Variants in PRSS23 observed in about 807,000 individuals in gnomAD.
The protein encoded by PRSS23 is protease, serine 23.
PRSS23 carries 25 observed loss-of-function variants against 34.7 expected under a neutral mutation model. That is an observed-to-expected ratio of 0.72 (90% CI 0.53 to 1.01). The LOEUF is 1.01. Ranked by LOEUF, PRSS23 falls within the 50% of genes least tolerant of loss-of-function variation. PRSS23 has a pLI of 0.00. For synonymous variants in PRSS23, 176 were observed against 186.6 expected (o/e 0.94, Z 0.46); for missense variants, 445 against 475.6 (o/e 0.94, Z 0.60).
chr11:86,896,056 C>G (rs773141172), intron 2 of PRSS23, among the ~76,000 whole-genome samples: 2 of 152,098 alleles, frequency 1.3e-5, no homozygotes, highest in Non-Finnish European at 2.9e-5. Context: ...GCCTTTGTCT[C>G]TTATTTATTT....
intron 2 of PRSS23, chr11:86,823,675 T>C: frequency 1.5e-6 from 1 of 686,110 alleles, no homozygotes; most frequent in South Asian, 1.5e-5. Context: ...TCTAATGCAT[T>C]TTAACGGAGC....
At chr11:86,823,347 C>G (rs1319058583) in intron 1 of PRSS23, 4 of 699,564 alleles carry the variant, frequency 5.7e-6, no homozygotes, top group Non-Finnish European at 1.0e-5. Flanking sequence ...GGACTTTGAA[C>G]TTGCTGTCTC....
chr11:86,887,670 T>C (rs1386807852), intron 2 of PRSS23, among the ~76,000 whole-genome samples: 1 of 152,214 alleles, frequency 6.6e-6, no homozygotes, highest in East Asian at 1.9e-4. Context: ...ACGTTATTTC[T>C]GTCTTCGAGG....
downstream of PRSS23, among the ~76,000 whole-genome samples, chr11:86,814,761 C>G (rs138450114): frequency 1.6e-3 from 243 of 152,288 alleles, 2 homozygotes; most frequent in African/African-American, 5.6e-3. Context: ...ACACTTGGGA[C>G]AGCTCTGCCC....
chr11:86,909,613 G>A lies in PRSS23; in HGVS notation c.207-41603G>A, dbSNP rs151328165. 3.9e-5 allele frequency: 6 copies of A among 152,468 alleles called. No individual in the cohort carries two copies. The East Asian group carries it at 9.6e-4, about 24-fold the overall frequency. 9.4% of individuals were successfully genotyped at this position (152,468 alleles called of 1,614,324 possible). On this transcript the variant is annotated intron_variant, in intron 2 of 2. Coordinates refer to the PRSS23 transcript ENST00000533902. ...GGATATGGGAATTCAGGGTAGTGTG[G>A]TTGGGAGCACCTGAAAAGACACCTG...
chr11:86,907,294 C>A lies in PRSS23; in HGVS notation c.207-43922C>A, dbSNP rs184770826. ...TAGCATCCTCATGCATAACACTGAACCTGGCACATTCTAAGTGTATGATAA... is the reference window on the plus strand; with the variant it reads ...TAGCATCCTCATGCATAACACTGAAACTGGCACATTCTAAGTGTATGATAA... On this transcript the variant is annotated intron_variant, in intron 2 of 2. Transcript: ENST00000533902. Among the ~76,000 whole-genome samples the A allele has an allele frequency of 8.9e-4, 136 of 152,208 alleles. 1 individual carries two copies. Among genetic ancestry groups the A allele is most frequent in the Non-Finnish European group, 1.6e-3 (108 of 68,018 alleles).
At chr11:86,856,323 T>C (rs1948570740) in intron 2 of PRSS23, among the ~76,000 whole-genome samples, 1 of 115,000 alleles carries the variant, frequency 8.7e-6, no homozygotes, top group Admixed American at 8.9e-5. Flanking sequence ...CTCTGGTGCT[T>C]TAAAAAAAAA....
intron 2 of PRSS23, among the ~76,000 whole-genome samples, chr11:86,945,154 G>A (rs1228190071): frequency 6.6e-6 from 1 of 151,484 alleles, no homozygotes. Flanking sequence ...TTTCCTGATT[G>A]ACAAATGTGA....
intron 2 of PRSS23, chr11:86,925,057 G>C (rs915877806): frequency 6.6e-6 from 1 of 152,170 alleles, no homozygotes; most frequent in Non-Finnish European, 1.5e-5. Flanking sequence ...TTGGCCCTGT[G>C]GGGGTGAGCT....
downstream of PRSS23, among the ~76,000 whole-genome samples, chr11:86,813,935 A>T (rs916902779): frequency 2.6e-5 from 4 of 152,192 alleles, no homozygotes; most frequent in African/African-American, 7.2e-5. Flanking sequence ...TAGTGGTCAT[A>T]TCTGGAAGAG....
rs146954595 is a variant in PRSS23 at position 86,917,276 on chromosome 11, G to A, written c.207-33940G>A. On this transcript the variant is annotated intron_variant, in intron 2 of 2. Coordinates refer to the PRSS23 transcript ENST00000533902. The stretch of plus-strand genomic sequence containing the variant: ...GGAGGGTGCAGTGAGCTGAGATTGT[G>A]CCATTGCACTCCAGCCTGGGCGACA... Among the ~76,000 whole-genome samples, 173 of 152,334 alleles carry A rather than the reference G, an allele frequency of 1.1e-3. 2 individuals carry two copies. In the East Asian group the frequency reaches 0.03, roughly 27 times the overall value.
chr11:86,911,499 A>G (rs1394285060), intron 2 of PRSS23: 2 of 152,050 alleles, frequency 1.3e-5, no homozygotes, highest in African/African-American at 4.8e-5. Flanking sequence ...TGGAGTCTCC[A>G]GTATCTAATA....
chr11:86,797,469 C>A (rs112332606), upstream of PRSS23, among the ~76,000 whole-genome samples: 4 of 152,168 alleles, frequency 2.6e-5, no homozygotes, highest in African/African-American at 7.2e-5. Flanking sequence ...AAACCCTGAG[C>A]CCCCGTGGGA....
chr11:86,898,139 C>A (rs1721910491), intron 2 of PRSS23, among the ~76,000 whole-genome samples: 1 of 152,136 alleles, frequency 6.6e-6, no homozygotes, highest in Non-Finnish European at 1.5e-5. Context: ...GGAATTTAAA[C>A]CCCAGGGCAG....
At chr11:86,811,763 C>G (rs1373999073), downstream of PRSS23, among the ~76,000 whole-genome samples, 4 of 152,098 alleles carry the variant, frequency 2.6e-5, no homozygotes, top group African/African-American at 9.7e-5. Flanking sequence ...ATCACTCTTT[C>G]TCTAACAAAC....
At chr11:86,939,426 A>ATTTTTTTTT in intron 2 of PRSS23, among the ~76,000 whole-genome samples, 50 of 94,038 alleles carry the variant, frequency 5.3e-4, no homozygotes, top group South Asian at 1.4e-3. Context: ...ATATATATAT[A>ATTTTTTTTT]TTTTTTAACA....
intron 2 of PRSS23, among the ~76,000 whole-genome samples, chr11:86,929,547 GC>G (rs1949109548): frequency 6.6e-6 from 1 of 152,156 alleles, no homozygotes; most frequent in South Asian, 2.1e-4. Context: ...GGAGGCTGAG[GC>G]AGGAGAATCG....
At chr11:86,893,786 A>G (rs1948857144) in intron 2 of PRSS23, among the ~76,000 whole-genome samples, 1 of 152,224 alleles carries the variant, frequency 6.6e-6, no homozygotes, top group Non-Finnish European at 1.5e-5. Context: ...TATAAAATGA[A>G]TACACGTCAA....
chr11:86,914,981 C>T (rs893595824), intron 2 of PRSS23, among the ~76,000 whole-genome samples: 10 of 152,190 alleles, frequency 6.6e-5, no homozygotes, highest in African/African-American at 1.7e-4. Context: ...TTCAGTTTTA[C>T]AGCATAGAGA....
Sources: allele counts gnomAD v4.1 joint callset (sites outside exome capture counted in the v4.1 genomes callset), GRCh38; gene constraint gnomAD v4.1.1; transcripts MANE v1.5; gene names NCBI Gene and HGNC (gene_info 2026-07-23, HGNC 2026-07-21).